FHDC1: variants seen among roughly 807,000 people sequenced by gnomAD.
FHDC1 encodes FH2 domain-containing protein 1.
FHDC1 carries 25 observed loss-of-function variants against 52.6 expected under a neutral mutation model. That is an observed-to-expected ratio of 0.48 (90% CI 0.35 to 0.66). The LOEUF (loss-of-function observed/expected upper bound fraction) is 0.66, where lower values mean the gene tolerates loss of function less well. Ranked by LOEUF, FHDC1 falls within the 30% of genes least tolerant of loss-of-function variation. The pLI is 0.01. For missense variants in FHDC1, 1,459 were observed against 1,452.8 expected (o/e 1.00, Z -0.07); for synonymous variants, 616 against 581.5 (o/e 1.06, Z -0.85).
the FHDC1 span, chr4:152,928,181 C>T: frequency 1.1e-4 from 84 of 792,646 alleles, no homozygotes; most frequent in Non-Finnish European, 1.8e-4. Context: ...CTTTATCTTC[C>T]AAACCAATAC....
At chr4:152,968,931 G>C (rs1579101726) in intron 10 of FHDC1, among the ~76,000 whole-genome samples, 3 of 152,144 alleles carry the variant, frequency 2.0e-5, no homozygotes, top group Non-Finnish European at 4.4e-5. Context: ...CATGAGAGCT[G>C]TGCCCGTCAA....
intron 4 of FHDC1, among the ~76,000 whole-genome samples, chr4:152,956,530 T>C (rs1740088997): frequency 6.6e-6 from 1 of 152,182 alleles, no homozygotes; most frequent in Admixed American, 6.5e-5. Context: ...AAGAACTTTG[T>C]ATTTTTGGGT....
At chr4:152,914,991 C>A in the FHDC1 span, among the ~76,000 whole-genome samples, 3 of 151,800 alleles carry the variant, frequency 2.0e-5, no homozygotes, top group Non-Finnish European at 4.4e-5. Context: ...AATTATGAAG[C>A]CTTAGAATAA....
chr4:152,950,231 G>A (rs961793414), intron 2 of FHDC1, among the ~76,000 whole-genome samples: 1 of 152,174 alleles, frequency 6.6e-6, no homozygotes, highest in African/African-American at 2.4e-5. Flanking sequence ...GAGAGAGCAA[G>A]CATTTGGGAA....
Position 152,962,819 on chromosome 4 carries a change from A to T in FHDC1, c.856A>T (p.Met286Leu). 2.5e-6 allele frequency: 4 copies of T among 1,613,994 alleles called. No homozygotes were observed. The highest frequency in any genetic ancestry group is 3.4e-6 in the Non-Finnish European group (4 of 1,179,912). ...TGATGTGTTCTTTTTGATAGAACTG[A>T]TGTCATGTGAAGAGCTACATTCAAT... ...TVLRTAIKEL[M>L]SCEELHSILH... Residue 286 changes from methionine to leucine, a missense_variant, in exon 7 of 12, where the codon ATG (methionine) becomes TTG (leucine). By Grantham distance (15) the Met-to-Leu change is conservative. Around this residue, in one of 3 missense-constraint regions of FHDC1, gnomAD observed 513 missense variants for 581.5 expected, o/e 0.88. Transcript: ENST00000511601.
At chr4:152,927,273 A>T in the FHDC1 span, among the ~76,000 whole-genome samples, 147,528 of 152,228 alleles carry the variant, frequency 0.97, 71,656 homozygotes, top group East Asian at 1. Flanking sequence ...GCCATAAAGT[A>T]AGCTCAAGCT....
At chr4:152,948,717 A>G (rs530118723) in intron 2 of FHDC1, among the ~76,000 whole-genome samples, 7 of 152,218 alleles carry the variant, frequency 4.6e-5, no homozygotes, top group South Asian at 2.1e-4. Context: ...CAGCCTCCCA[A>G]TGTGCTGGGA....
At position 152,976,412 on chromosome 4, in the gene FHDC1, G is replaced by C. The variant is rs757821982; in HGVS notation, c.3121G>C (p.Ala1041Pro). 5.0e-6 allele frequency: 8 copies of C among 1,613,764 alleles called. No individual in the cohort carries two copies. Among genetic ancestry groups the C allele is most frequent in the South Asian group, 1.1e-5 (1 of 91,088 alleles). ...RVPSFARNTV[A>P]SSSRSMRTDL... is the part of the protein sequence containing the mutation. ...CCCGAGCTTTGCCCGGAACACAGTG[G>C]CCTCCTCCTCTCGAAGCATGAGAAC... Residue 1041 changes from alanine (A) to proline (P), a missense_variant, in exon 12 of 12, where the codon GCC becomes CCC. Ala to Pro is a conservative substitution (Grantham distance 27, BLOSUM62 -1). This residue lies in a region of FHDC1 where 939 missense variants were observed against 854.5 expected (regional missense o/e 1.10). Coordinates refer to ENST00000511601, the MANE Select transcript of FHDC1 (RefSeq NM_001371116.1).
Position 152,946,657 on chromosome 4 carries a change from AC to A in FHDC1, c.498+3103del, listed in dbSNP as rs1739742959. 2.0e-5 allele frequency among the ~76,000 whole-genome samples: 3 copies of A among 152,282 alleles called. No individual in the cohort carries two copies. The South Asian group carries it at 6.2e-4, about 32-fold the overall frequency. On this transcript the variant is annotated intron_variant, in intron 2 of 11. Coordinates refer to ENST00000511601, the MANE Select transcript of FHDC1 (RefSeq NM_001371116.1). ...CCTCCACAGCCTGTTCAGCAGAGGG[AC>A]TGCTCCTGAGCCCGGAGCCACAGCA...
At chr4:152,918,236 C>T in the FHDC1 span, among the ~76,000 whole-genome samples, 1 of 152,202 alleles carries the variant, frequency 6.6e-6, no homozygotes, top group East Asian at 1.9e-4. Flanking sequence ...ACTTCCTTGC[C>T]AGTGACCTCA....
chr4:152,934,564 G>A (rs1739314627), upstream of FHDC1, among the ~76,000 whole-genome samples: 1 of 152,180 alleles, frequency 6.6e-6, no homozygotes, highest in Non-Finnish European at 1.5e-5. Flanking sequence ...TCCCCCAGGA[G>A]TTATACAAGC....
chr4:152,958,883 T>G (rs1740190656), intron 4 of FHDC1, among the ~76,000 whole-genome samples: 1 of 152,200 alleles, frequency 6.6e-6, no homozygotes, highest in African/African-American at 2.4e-5. Flanking sequence ...GAAATGCAAT[T>G]ATATAAATGG....
At chr4:152,961,341 G>A (rs1287825700) in intron 6 of FHDC1, among the ~76,000 whole-genome samples, 1 of 152,170 alleles carries the variant, frequency 6.6e-6, no homozygotes, top group Non-Finnish European at 1.5e-5. Context: ...TTTCTGTTCT[G>A]TGGTGTCGTC....
chr4:152,937,222 G>T (rs78243006), intron 1 of FHDC1, among the ~76,000 whole-genome samples: 1 of 152,168 alleles, frequency 6.6e-6, no homozygotes, highest in Non-Finnish European at 1.5e-5. Context: ...TTTCCCCCGC[G>T]CCTGCGACCT....
rs532217652 is a variant in FHDC1, at chr4:152,975,979, C to G, written c.2688C>G (p.Ala896=). 1 of 1,523,164 alleles carries G rather than the reference C, an allele frequency of 6.6e-7. No individual in the cohort carries two copies. Among genetic ancestry groups the G allele is most frequent in the Non-Finnish European group, 8.8e-7 (1 of 1,137,774 alleles). 94.4% of individuals were successfully genotyped at this position (1,523,164 alleles called of 1,614,324 possible). A position where few individuals can be genotyped will look rare whatever the true frequency, so the allele number is the denominator to read the frequency against. ...AVAKSVRTLT[A]SENESMRKVM... ...CCAAGTCTGTGCGGACCCTGACCGCCTCAGAGAACGAGAGCATGCGCAAGG... is the reference window on the plus strand; with the variant it reads ...CCAAGTCTGTGCGGACCCTGACCGCGTCAGAGAACGAGAGCATGCGCAAGG... The change falls in exon 12 of 12, where the codon GCC becomes GCG. Residue 896 remains alanine (A), a synonymous_variant. Transcript: ENST00000511601.
upstream of FHDC1, among the ~76,000 whole-genome samples, chr4:152,931,572 C>T (rs1163548524): frequency 6.6e-6 from 1 of 151,510 alleles, no homozygotes; most frequent in Non-Finnish European, 1.5e-5. Context: ...GCATGAGAGT[C>T]ATCACATTAT....
In FHDC1 at chr4:152,976,276, G is replaced by C. The variant is rs1345640397; in HGVS notation, c.2985G>C (p.Gln995His). ...SAKPLRNLPR[Q>H]KPEENKTCRA... is the part of the protein sequence containing the mutation. ...AACCACTCAGGAACCTCCCCAGACA[G>C]AAGCCTGAGGAAAATAAGACCTGCC... The change falls in exon 12 of 12, where the codon CAG (glutamine) becomes CAC (histidine). Residue 995 changes from glutamine to histidine, a missense_variant. Coordinates refer to ENST00000511601, the MANE Select transcript of FHDC1 (RefSeq NM_001371116.1). 3.7e-6 allele frequency: 6 copies of C among 1,613,498 alleles called. No homozygotes were observed. The highest frequency in any genetic ancestry group is 5.1e-6 in the Non-Finnish European group (6 of 1,179,996).
upstream of FHDC1, among the ~76,000 whole-genome samples, chr4:152,931,335 T>G (rs907265822): frequency 1.3e-5 from 2 of 152,138 alleles, no homozygotes; most frequent in Non-Finnish European, 2.9e-5. Flanking sequence ...CAACCAGTTT[T>G]CTAAGCACTG....
chr4:152,976,366 C>T lies in FHDC1; in HGVS notation c.3075C>T (p.Val1025=), dbSNP rs1288185719. 6.2e-7 allele frequency: 1 copy of T among 1,613,694 alleles called. No individual in the cohort carries two copies. The highest frequency in any genetic ancestry group is 1.3e-5 in the African/African-American group (1 of 74,932). The change falls in exon 12 of 12, where the codon GTC becomes GTT. Residue 1025 remains valine, a synonymous_variant. Transcript: ENST00000511601. The part of the protein sequence containing the change: ...EEPKTPSVPS[V]PHELPRVPSF... Reference sequence around the variant, plus strand: ...CCAAGACCCCGTCAGTGCCCAGCGTCCCCCACGAACTACCCCGTGTCCCGA... The same window carrying T: ...CCAAGACCCCGTCAGTGCCCAGCGTTCCCCACGAACTACCCCGTGTCCCGA...
Sources: gnomAD v4.1 joint callset for allele counts (sites outside exome capture counted in the v4.1 genomes callset) on GRCh38, gnomAD v4.1.1 for gene constraint, gnomAD v4.1.1 regional missense constraint, MANE v1.5 for transcripts, NCBI Gene and HGNC (gene_info 2026-07-23, HGNC 2026-07-21) for gene names.